ANO4: variants seen among roughly 807,000 people sequenced by gnomAD.
ANO4 encodes anoctamin 4.
In ANO4, 69 loss-of-function variants were observed where a neutral mutation model predicts 141.9. The observed-to-expected ratio is 0.49, with a 90% confidence interval of 0.40 to 0.59. ANO4 has a LOEUF of 0.59. Ranked by LOEUF, ANO4 falls within the 20% of genes least tolerant of loss-of-function variation. The pLI, the probability that ANO4 is intolerant of heterozygous loss-of-function variation, is 0.00. For missense variants in ANO4, 894 were observed against 1,162.2 expected, an observed-to-expected ratio of 0.77 and a Z score of 3.36; for synonymous variants, 350 against 394.3, an observed-to-expected ratio of 0.89 and a Z score of 1.33.
At chr12:101,063,439 T>G (rs888792256) in intron 14 of ANO4, among the ~76,000 whole-genome samples, 10 of 152,336 alleles carry the variant, frequency 6.6e-5, no homozygotes, top group Middle Eastern at 3.4e-3. Flanking sequence ...TCATAATATA[T>G]TACCTTTTAT....
At chr12:101,036,992 G>T in intron 9 of ANO4, 103 bp from the exon 10 acceptor site, 1 of 1,151,454 alleles carries the variant, frequency 8.7e-7, no homozygotes, top group Non-Finnish European at 1.3e-6. Context: ...AGGGTTGATA[G>T]CCTAGATTGT....
intron 1 of ANO4, among the ~76,000 whole-genome samples, chr12:100,726,426 G>T (rs566742938): frequency 2.0e-5 from 3 of 152,184 alleles, no homozygotes; most frequent in East Asian, 1.9e-4. Flanking sequence ...CATTCCTAGC[G>T]CAGGGCAGAT....
intron 3 of ANO4, among the ~76,000 whole-genome samples, chr12:100,778,645 G>T (rs2033613296): frequency 6.6e-6 from 1 of 152,124 alleles, no homozygotes; most frequent in Non-Finnish European, 1.5e-5. Context: ...CCTGTGCTTT[G>T]GGACAGTTAA....
intron 9 of ANO4, among the ~76,000 whole-genome samples, chr12:101,034,115 T>C (rs375653455): frequency 1.3e-5 from 2 of 152,174 alleles, no homozygotes; most frequent in East Asian, 1.9e-4. Context: ...AAATACCATT[T>C]GACCCAGCAA....
intron 8 of ANO4, among the ~76,000 whole-genome samples, chr12:101,009,402 A>G (rs1474490015): frequency 6.6e-6 from 1 of 152,104 alleles, no homozygotes; most frequent in South Asian, 2.1e-4. Context: ...CACTCAGGGT[A>G]TGGTACTTTG....
At chr12:100,957,134 T>A (rs987266890) in intron 5 of ANO4, among the ~76,000 whole-genome samples, 1 of 152,218 alleles carries the variant, frequency 6.6e-6, no homozygotes, top group Admixed American at 6.5e-5. Flanking sequence ...ATCATTTAGT[T>A]CATGGTTCTA....
chr12:100,996,892 CCACTGTTT>C (rs879281443), intron 8 of ANO4, among the ~76,000 whole-genome samples: 14,907 of 152,224 alleles, frequency 0.098, 836 homozygotes, highest in Middle Eastern at 0.19. Flanking sequence ...ATGATAGCAA[CCACTGTTT>C]ACTAAACAAC....
intron 1 of ANO4, among the ~76,000 whole-genome samples, chr12:100,810,983 C>T (rs147944363): frequency 1.9e-3 from 292 of 152,180 alleles, no homozygotes; most frequent in Middle Eastern, 6.8e-3. Flanking sequence ...ATCAGAAGTA[C>T]GTAAATGGTG....
At chr12:100,954,622 C>T (rs997792013) in intron 5 of ANO4, among the ~76,000 whole-genome samples, 4 of 152,186 alleles carry the variant, frequency 2.6e-5, no homozygotes, top group Non-Finnish European at 4.4e-5. Flanking sequence ...CACCAGCCCT[C>T]CTAACAGGTT....
chr12:100,762,450 T>C (rs1192839675), intron 3 of ANO4, among the ~76,000 whole-genome samples: 2 of 152,212 alleles, frequency 1.3e-5, no homozygotes, highest in Non-Finnish European at 2.9e-5. Context: ...CCAGAATCTC[T>C]AGTGCTTTTG....
chr12:100,950,571 C>T (rs1026160252), intron 5 of ANO4, among the ~76,000 whole-genome samples: 1 of 152,114 alleles, frequency 6.6e-6, no homozygotes, highest in Non-Finnish European at 1.5e-5. Flanking sequence ...GGGGCAATCT[C>T]AGGAGAAAGG....
intron 1 of ANO4, among the ~76,000 whole-genome samples, chr12:100,832,330 G>A (rs1165586797): frequency 2.6e-5 from 4 of 152,054 alleles, no homozygotes; most frequent in Non-Finnish European, 5.9e-5. Context: ...TAAAACCCTT[G>A]ACTAAAACTG....
intron 2 of ANO4, among the ~76,000 whole-genome samples, chr12:100,738,935 TGG>T (rs2031729875): frequency 6.6e-6 from 1 of 151,060 alleles, no homozygotes; most frequent in Non-Finnish European, 1.5e-5. Flanking sequence ...AATTACAACT[TGG>T]TACTTTTTTA....
intron 8 of ANO4, among the ~76,000 whole-genome samples, chr12:101,011,407 C>T (rs2046089476): frequency 6.6e-6 from 1 of 150,956 alleles, no homozygotes; most frequent in African/African-American, 2.4e-5. Context: ...ATTCTCATTC[C>T]CATTCCAGGA....
At chr12:100,757,468 C>T (rs1352478703) in intron 3 of ANO4, among the ~76,000 whole-genome samples, 1 of 152,170 alleles carries the variant, frequency 6.6e-6, no homozygotes, top group African/African-American at 2.4e-5. Context: ...ATATTATCTT[C>T]GATTACTCCT....
At chr12:100,749,210 T>A (rs1272367753) in intron 3 of ANO4, among the ~76,000 whole-genome samples, 1 of 152,186 alleles carries the variant, frequency 6.6e-6, no homozygotes, top group African/African-American at 2.4e-5. Context: ...AATAGAGGTA[T>A]TGCCGCACAG....
At position 100,892,531 on chromosome 12, in the gene ANO4, T is replaced by C. The variant is rs375663889; in HGVS notation, c.-140-9115T>C. Among the ~76,000 whole-genome samples the C allele has an allele frequency of 3.3e-5, 5 of 152,342 alleles. No homozygotes were observed. The East Asian group carries it at 7.7e-4, about 24-fold the overall frequency. On this transcript the variant is annotated intron_variant, in intron 1 of 27. Coordinates refer to ENST00000392977, the MANE Select transcript of ANO4 (RefSeq NM_001286615.2). ...TTGAGAATATTTGAGTTTAGTTACC[T>C]GTAGTCTTCCTTAGGTATCCCTAGA...
chr12:100,844,178 G>A (rs377087736), intron 1 of ANO4, among the ~76,000 whole-genome samples: 2 of 152,072 alleles, frequency 1.3e-5, no homozygotes, highest in East Asian at 1.9e-4. Flanking sequence ...TTCAGATAGT[G>A]TTAAGGCCTG....
intron 23 of ANO4, 121 bp downstream of exon 23, chr12:101,110,677 T>C: frequency 1.1e-6 from 1 of 873,386 alleles, no homozygotes; most frequent in Non-Finnish European, 1.6e-6. Context: ...CACCTAATTT[T>C]TGCAAAGAAT....
Sources: allele counts gnomAD v4.1 joint callset (sites outside exome capture counted in the v4.1 genomes callset), GRCh38; gene constraint gnomAD v4.1.1; transcripts MANE v1.5; gene names NCBI Gene and HGNC (gene_info 2026-07-23, HGNC 2026-07-21).